The following NOTCH2 variants were observed in gnomAD, a reference collection of about 807,000 sequenced individuals.
NOTCH2 encodes notch receptor 2, also known as neurogenic locus notch homolog protein 2.
A neutral mutation model predicts 235.8 loss-of-function variants in NOTCH2; 29 were observed. The observed-to-expected ratio is 0.12, with a 90% CI of 0.09 to 0.17. The LOEUF (loss-of-function observed/expected upper bound fraction) is 0.17, where lower values mean the gene tolerates loss of function less well. NOTCH2 is among the 10% of genes least tolerant of loss of function. The pLI is 1.00. For synonymous variants in NOTCH2, 1,086 were observed against 1,141.5 expected, an observed-to-expected ratio of 0.95 and a Z score of 0.98; for missense variants, 2,285 against 3,150.2, an observed-to-expected ratio of 0.73 and a Z score of 6.57.
chr1:119,974,889 C>T (rs1339417888), intron 5 of NOTCH2, among the ~76,000 whole-genome samples: 1 of 152,166 alleles, frequency 6.6e-6, no homozygotes, highest in African/African-American at 2.4e-5. Context: ...TCCAGGAGGG[C>T]AGGGACTGTG....
At chr1:119,996,653 T>C in intron 4 of NOTCH2, 1 of 889,370 alleles carries the variant, frequency 1.1e-6, no homozygotes. Context: ...CACACATACA[T>C]ATTTTCCAGT....
intron 1 of NOTCH2, among the ~76,000 whole-genome samples, chr1:120,033,895 T>C (rs587595306): frequency 6.6e-5 from 10 of 151,982 alleles, no homozygotes; most frequent in African/African-American, 2.4e-4. Context: ...TATAAATGTA[T>C]ACAACTATAA....
chr1:119,967,987 A>G, intron 7 of NOTCH2, 90 bp downstream of exon 7: 1 of 1,455,996 alleles, frequency 6.9e-7, no homozygotes. Context: ...GGTGTATGTA[A>G]TTTGCTTCTA....
intron 14 of NOTCH2, among the ~76,000 whole-genome samples, chr1:119,951,928 A>G (rs1186548701): frequency 6.6e-6 from 1 of 152,254 alleles, no homozygotes; most frequent in Non-Finnish European, 1.5e-5. Flanking sequence ...GTGTTTTGAA[A>G]TCTACAAGTT....
intron 7 of NOTCH2, among the ~76,000 whole-genome samples, 166 bp from the exon 8 acceptor site, chr1:119,967,787 G>A (rs1277230856): frequency 2.0e-5 from 3 of 152,104 alleles, no homozygotes; most frequent in Non-Finnish European, 4.4e-5. Context: ...TAAAAGCGGA[G>A]TATCCTCAAC....
At chr1:119,963,391 G>C (rs1448842668) in intron 11 of NOTCH2, among the ~76,000 whole-genome samples, 183 bp downstream of exon 11, 4 of 152,216 alleles carry the variant, frequency 2.6e-5, no homozygotes, top group Non-Finnish European at 4.4e-5. Context: ...TATTGTCTCT[G>C]ACTTCTCCAC....
At chr1:119,980,919 C>A (rs927742282) in intron 5 of NOTCH2, among the ~76,000 whole-genome samples, 1 of 152,132 alleles carries the variant, frequency 6.6e-6, no homozygotes, top group African/African-American at 2.4e-5. Context: ...TCAAACCTCC[C>A]CTTTTCTCAC....
chr1:119,911,854 A>C lies in NOTCH2; in HGVS notation c.*3452T>G, dbSNP rs1648904945. Reference sequence around the variant, plus strand: ...GCACAGAAGAGTGCTCAGTTTTGTGATGTTTCCTATTTGACAGATGCTTTT... The same window carrying C: ...GCACAGAAGAGTGCTCAGTTTTGTGCTGTTTCCTATTTGACAGATGCTTTT... On this transcript the variant is annotated 3_prime_UTR_variant, in exon 34 of 34. Coordinates refer to ENST00000256646, the MANE Select transcript of NOTCH2 (RefSeq NM_024408.4). 4.3e-6 allele frequency: 1 copy of C among 233,128 alleles called. No homozygotes were observed. Among genetic ancestry groups the C allele is most frequent in the South Asian group, 1.8e-4 (1 of 5,534 alleles). The allele number at this position is 233,128 out of a possible 1,614,324, so 14.4% of individuals were successfully genotyped here.
intron 5 of NOTCH2, among the ~76,000 whole-genome samples, chr1:119,972,724 G>C (rs1199881086): frequency 6.6e-6 from 1 of 152,162 alleles, no homozygotes; most frequent in Non-Finnish European, 1.5e-5. Flanking sequence ...TATATCTGAG[G>C]AAACAGCCTC....
rs782168087 is a variant in NOTCH2, at chr1:119,929,228, G to C, written c.3656-16C>G. On this transcript the variant is annotated splice_polypyrimidine_tract_variant and intron_variant, in intron 22 of 33. Transcript: ENST00000256646. ...CAGAGTAGGCCTGGAGGAAAGAGAA[G>C]AGGTACAGAATTATGAAAATCCTTT... The C allele has an allele frequency of 3.3e-5, 52 of 1,599,320 alleles. No homozygotes were observed. The highest frequency in any genetic ancestry group is 4.4e-5 in the Non-Finnish European group (51 of 1,166,516).
intron 17 of NOTCH2, 49 bp downstream of exon 17, chr1:119,948,365 G>T: frequency 6.2e-7 from 1 of 1,610,196 alleles, no homozygotes; most frequent in Non-Finnish European, 8.5e-7. Flanking sequence ...TCTGCTCCCT[G>T]TGTGTTTTCC....
At chr1:119,951,404 A>C (rs1296819664) in intron 14 of NOTCH2, among the ~76,000 whole-genome samples, 11 of 151,864 alleles carry the variant, frequency 7.2e-5, no homozygotes, top group Non-Finnish European at 1.2e-4. Flanking sequence ...CTCCCACCTT[A>C]CCCTCCCAAA....
At chr1:119,917,459 G>C (rs1012199250) in intron 33 of NOTCH2, among the ~76,000 whole-genome samples, 1 of 152,246 alleles carries the variant, frequency 6.6e-6, no homozygotes, top group Non-Finnish European at 1.5e-5. Flanking sequence ...TGCAAGCTGA[G>C]TACTGAGAGG....
At chr1:119,949,906 G>T (rs1412488555) in intron 15 of NOTCH2, among the ~76,000 whole-genome samples, 1 of 152,082 alleles carries the variant, frequency 6.6e-6, no homozygotes, top group Non-Finnish European at 1.5e-5. Flanking sequence ...TTTGTGTTTT[G>T]TTCCCTCTGA....
In NOTCH2 at chr1:119,949,038, ACT is replaced by A. The variant is rs312262800; in HGVS notation, c.2566_2567del (p.Ser856LeufsTer17). 1.2e-6 allele frequency: 2 copies of A among 1,614,138 alleles called. No homozygotes were observed. Among genetic ancestry groups the A allele is most frequent in the Non-Finnish European group, 1.7e-6 (2 of 1,180,020 alleles). On this transcript the variant is annotated frameshift_variant, in exon 16 of 34. Coordinates refer to ENST00000256646, the MANE Select transcript of NOTCH2 (RefSeq NM_024408.4). LOFTEE classifies it high-confidence loss of function. ...AGCCAGGAGCACACAAGCAAGTATA[ACT>A]CTCAAAATTTGGTGACTCTTTGCAA... ...AVCKESPNFE[S>X]YTCLCAPGWQ...
chr1:120,069,182 T>G, intron 1 of NOTCH2, 152 bp downstream of exon 1: 1 of 1,527,998 alleles, frequency 6.5e-7, no homozygotes, highest in Non-Finnish European at 8.7e-7. Flanking sequence ...CCCCCGGCGA[T>G]GTCCAAACTC....
chr1:119,963,275 A>G (rs1651013438), intron 11 of NOTCH2, among the ~76,000 whole-genome samples: 1 of 152,206 alleles, frequency 6.6e-6, no homozygotes, highest in East Asian at 1.9e-4. Flanking sequence ...GCCACAAAAA[A>G]GAGGGTTTTC....
rs759218502 is a variant in NOTCH2 at position 119,922,643 on chromosome 1, A to G, written c.4995T>C (p.Ser1665=). ...IQGTLSYPLV[S]VVSESLTPER... The stretch of plus-strand genomic sequence containing the variant: ...TACACCAGTGCCACTCACTGACGAC[A>G]GACACAAGAGGGTATGACAGGGTCC... Residue 1665 remains serine, a synonymous_variant, in exon 27 of 34, where the codon TCT becomes TCC. Transcript: ENST00000256646. The G allele has an allele frequency of 8.1e-6, 13 of 1,614,064 alleles. No homozygotes were observed. The East Asian group carries it at 2.9e-4, about 36-fold the overall frequency.
At chr1:119,987,538 G>A (rs1652066868) in intron 4 of NOTCH2, among the ~76,000 whole-genome samples, 1 of 152,056 alleles carries the variant, frequency 6.6e-6, no homozygotes, top group Non-Finnish European at 1.5e-5. Flanking sequence ...AGCCAGGTGG[G>A]GAAGGGAGTG....
Sources: gnomAD v4.1 joint callset for allele counts (sites outside exome capture counted in the v4.1 genomes callset) on GRCh38, gnomAD v4.1.1 for gene constraint, MANE v1.5 for transcripts, NCBI Gene and HGNC (gene_info 2026-07-23, HGNC 2026-07-21) for gene names.